Variants in SYTL5 observed in about 807,000 individuals in gnomAD.
SYTL5 encodes synaptotagmin-like protein 5.
A neutral mutation model predicts 55.9 loss-of-function variants in SYTL5; 34 were observed. The observed-to-expected ratio is 0.61, with a 90% CI of 0.46 to 0.81. SYTL5 has a LOEUF of 0.81. SYTL5 is among the 30% of genes least tolerant of loss of function. The pLI is 0.00. For missense variants in SYTL5, 637 were observed against 546.7 expected (o/e 1.17, Z -1.65); for synonymous variants, 221 against 188.7 (o/e 1.17, Z -1.40).
chrX:38,013,725 CA>C (rs747691199), intron 1 of SYTL5, among the ~76,000 whole-genome samples: 19 of 111,424 alleles, frequency 1.7e-4, no homozygotes, highest in Non-Finnish European at 2.4e-4. Flanking sequence ...CAGGCTCACT[CA>C]ATCTATACTG....
At chrX:38,073,065 A>G (rs939148142) in intron 4 of SYTL5, among the ~76,000 whole-genome samples, 1 of 111,713 alleles carries the variant, frequency 9.0e-6, no homozygotes, top group Non-Finnish European at 1.9e-5. Context: ...ATCCGATACT[A>G]CAGAGAGATG....
chrX:37,998,166 T>G, the SYTL5 span, among the ~76,000 whole-genome samples: 1 of 112,519 alleles, frequency 8.9e-6, no homozygotes, highest in African/African-American at 3.2e-5. Context: ...TTCATCTTTC[T>G]CACCCTCCAC....
intron 3 of SYTL5, among the ~76,000 whole-genome samples, chrX:38,071,267 G>T (rs1936256953): frequency 9.0e-6 from 1 of 111,675 alleles, no homozygotes; most frequent in African/African-American, 3.3e-5. Context: ...TTTCAGGAGG[G>T]AAGATGGGGG....
chrX:37,907,253 T>C, the SYTL5 span, among the ~76,000 whole-genome samples: 6 of 112,011 alleles, frequency 5.4e-5, no homozygotes, highest in Admixed American at 5.7e-4. Flanking sequence ...CAAAACCATG[T>C]TTTTGTCTTG....
chrX:37,992,852 T>G, the SYTL5 span, among the ~76,000 whole-genome samples: 52 of 112,138 alleles, frequency 4.6e-4, no homozygotes, highest in East Asian at 0.013. Flanking sequence ...AGGAAAACTT[T>G]ACATAATCAC....
the SYTL5 span, among the ~76,000 whole-genome samples, chrX:37,970,513 G>T: frequency 2.7e-5 from 3 of 109,771 alleles, no homozygotes; most frequent in African/African-American, 1.0e-4. Flanking sequence ...TTTAAAAAAG[G>T]TTTTCCTGTA....
the SYTL5 span, among the ~76,000 whole-genome samples, chrX:37,893,600 AG>A: frequency 1.3e-5 from 1 of 75,837 alleles, no homozygotes; most frequent in African/African-American, 7.9e-5. Context: ...TATTATCTAT[AG>A]ATTATATATA....
At chrX:37,900,933 T>A in the SYTL5 span, among the ~76,000 whole-genome samples, 3 of 111,347 alleles carry the variant, frequency 2.7e-5, no homozygotes, top group Non-Finnish European at 3.8e-5. Flanking sequence ...AGAAAGTAAC[T>A]TTTCTCTTTT....
chrX:37,968,481 C>T, the SYTL5 span, among the ~76,000 whole-genome samples: 1 of 111,310 alleles, frequency 9.0e-6, no homozygotes, highest in Non-Finnish European at 1.9e-5. Flanking sequence ...GATAAGGCTT[C>T]TTAAATAGTC....
At chrX:37,926,001 C>A in the SYTL5 span, among the ~76,000 whole-genome samples, 7 of 111,629 alleles carry the variant, frequency 6.3e-5, no homozygotes, top group Non-Finnish European at 9.4e-5. Context: ...TTTATCCACT[C>A]GTTGATTGAT....
intron 2 of SYTL5, among the ~76,000 whole-genome samples, chrX:38,049,142 A>G (rs1322419427): frequency 9.0e-6 from 1 of 111,724 alleles, no homozygotes; most frequent in East Asian, 2.8e-4. Flanking sequence ...ATTGTTGACA[A>G]TAGACTTTGT....
chrX:37,926,227 G>A, the SYTL5 span, among the ~76,000 whole-genome samples: 1 of 111,924 alleles, frequency 8.9e-6, no homozygotes, highest in South Asian at 3.7e-4. Context: ...CTGACGATTA[G>A]TGATGTTGAG....
In SYTL5 at chrX:38,076,708, G is replaced by A; in HGVS notation, c.689+7G>A. ...CACCTCCTGGTTCAGACAGGTAAGA[G>A]TCATACAGATTGAGCAATGATGTAG... On this transcript the variant is annotated splice_region_variant and intron_variant, in intron 6 of 16. Coordinates refer to ENST00000297875, the MANE Select transcript of SYTL5 (RefSeq NM_138780.3). 3.3e-6 allele frequency: 4 copies of A among 1,207,742 alleles called. No homozygotes were observed. The highest frequency in any genetic ancestry group is 4.5e-6 in the Non-Finnish European group (4 of 893,620).
At chrX:38,006,864 T>A (rs948085569) in intron 1 of SYTL5, among the ~76,000 whole-genome samples, 196 bp downstream of exon 1, 3 of 110,734 alleles carry the variant, frequency 2.7e-5, no homozygotes, top group African/African-American at 9.8e-5. Context: ...TAGCTATGAG[T>A]TTAATGGATT....
At chrX:38,069,022 C>T (rs1423384483) in intron 3 of SYTL5, among the ~76,000 whole-genome samples, 1 of 111,045 alleles carries the variant, frequency 9.0e-6, no homozygotes, top group Non-Finnish European at 1.9e-5. Context: ...TTTTTTTCAA[C>T]CATTTAAAAA....
At chrX:37,917,472 T>C in the SYTL5 span, among the ~76,000 whole-genome samples, 1 of 112,118 alleles carries the variant, frequency 8.9e-6, no homozygotes, top group Non-Finnish European at 1.9e-5. Context: ...AAACTATGGC[T>C]AGCCCTATAG....
Position 38,126,773 on chromosome X carries a change from G to A in SYTL5, c.*43G>A, listed in dbSNP as rs983468452. 5 of 1,160,809 alleles carry A rather than the reference G, an allele frequency of 4.3e-6. No homozygotes were observed. Among genetic ancestry groups the A allele is most frequent in the Non-Finnish European group, 5.8e-6 (5 of 865,909 alleles). ...GAATGAGGCCACCAGGACCTATCTG[G>A]CTGTCTTTTCCTACCATTAGCAAAC... On this transcript the variant is annotated 3_prime_UTR_variant, in exon 17 of 17. Coordinates refer to ENST00000297875, the MANE Select transcript of SYTL5 (RefSeq NM_138780.3).
intron 3 of SYTL5, among the ~76,000 whole-genome samples, chrX:38,064,032 G>A (rs1936026612): frequency 9.3e-6 from 1 of 107,449 alleles, no homozygotes; most frequent in Non-Finnish European, 1.9e-5. Context: ...AAAAAAAGTG[G>A]AGTAAAAAGT....
chrX:37,935,496 C>G, the SYTL5 span, among the ~76,000 whole-genome samples: 1 of 112,222 alleles, frequency 8.9e-6, no homozygotes, highest in East Asian at 2.8e-4. Context: ...GTTTTTTCTC[C>G]TCTTTGATTT....
Sources: gnomAD v4.1 joint callset for allele counts (sites outside exome capture counted in the v4.1 genomes callset) on GRCh38, gnomAD v4.1.1 for gene constraint, MANE v1.5 for transcripts, NCBI Gene and HGNC (gene_info 2026-07-23, HGNC 2026-07-21) for gene names.